SH3KBP1: variants seen among roughly 807,000 people sequenced by gnomAD.
SH3KBP1 encodes SH3 domain containing kinase binding protein 1, also known as SH3 domain-containing kinase-binding protein 1.
In SH3KBP1, 8 loss-of-function variants were observed where a neutral mutation model predicts 50.1. That is an observed-to-expected ratio of 0.16 (90% CI 0.09 to 0.29). The LOEUF is 0.29. Among genes scored for constraint, SH3KBP1 ranks in the 10% least tolerant of loss-of-function variants. SH3KBP1 has a pLI of 1.00. For synonymous variants in SH3KBP1, 227 were observed against 218.6 expected, an observed-to-expected ratio of 1.04 and a Z score of -0.34; for missense variants, 377 against 535.2, an observed-to-expected ratio of 0.70 and a Z score of 2.92.
At chrX:19,813,748 T>A (rs913712988) in intron 2 of SH3KBP1, among the ~76,000 whole-genome samples, 1 of 110,501 alleles carries the variant, frequency 9.0e-6, no homozygotes, top group Non-Finnish European at 1.9e-5. Context: ...AAGGGTGTTA[T>A]CCCCCCAGCC....
At chrX:19,632,161 T>G (rs1282956094) in intron 7 of SH3KBP1, among the ~76,000 whole-genome samples, 1 of 111,428 alleles carries the variant, frequency 9.0e-6, no homozygotes, top group Non-Finnish European at 1.9e-5. Flanking sequence ...GGCTTCCACT[T>G]TTTTTCCCCT....
At chrX:19,587,675 G>A (rs764858620) in intron 12 of SH3KBP1, among the ~76,000 whole-genome samples, 60 of 111,909 alleles carry the variant, frequency 5.4e-4, no homozygotes, top group Non-Finnish European at 9.8e-4. Context: ...AAAAAAGTGA[G>A]GTGAGAGGAT....
chrX:19,691,350 CTCTCTCTA>C (rs1216125321), intron 5 of SH3KBP1, among the ~76,000 whole-genome samples: 2 of 93,614 alleles, frequency 2.1e-5, no homozygotes, highest in African/African-American at 4.3e-5. Flanking sequence ...CTCTCTCTCT[CTCTCTCTA>C]TATATATATA....
At chrX:19,551,526 TTTC>T (rs2065238025) in intron 13 of SH3KBP1, among the ~76,000 whole-genome samples, 2 of 106,989 alleles carry the variant, frequency 1.9e-5, no homozygotes, top group African/African-American at 7.0e-5. Context: ...TATTATTTTC[TTTC>T]TTTTCTTTCC....
chrX:19,768,943 A>C (rs1320103458), intron 2 of SH3KBP1, among the ~76,000 whole-genome samples: 2 of 109,749 alleles, frequency 1.8e-5, no homozygotes, highest in African/African-American at 6.6e-5. Flanking sequence ...TTTTTTTTTA[A>C]ATTAGTAAGA....
In SH3KBP1 at chrX:19,781,594, G is replaced by T. The variant is rs374047211; in HGVS notation, c.163-35153C>A. ...GATTGTACCACTGTACTCTAGTCTG[G>T]GTGACAGAGTGGGACTCGGTCACAA... On this transcript the variant is annotated intron_variant, in intron 2 of 17. Coordinates refer to ENST00000397821, the MANE Select transcript of SH3KBP1 (RefSeq NM_031892.3). 2.5e-4 allele frequency among the ~76,000 whole-genome samples: 27 copies of T among 107,326 alleles called. No homozygotes were observed. The South Asian group carries it at 0.011, about 43-fold the overall frequency. 93.2% of individuals were successfully genotyped at this position (107,326 alleles called of 115,157 possible).
chrX:19,824,110 A>G (rs2147351746), intron 2 of SH3KBP1, among the ~76,000 whole-genome samples: 1 of 111,909 alleles, frequency 8.9e-6, no homozygotes, highest in East Asian at 2.8e-4. Flanking sequence ...GTTAGCCACC[A>G]CACCCAGCCA....
At position 19,686,761 on chromosome X, in the gene SH3KBP1, C is replaced by T. The variant is rs750229882; in HGVS notation, c.521-2733G>A. On this transcript the variant is annotated intron_variant, in intron 5 of 17. Transcript: ENST00000397821. ...TGGTGTTCATGTTTCAACGTTCTCT[C>T]TCATCATATCCATACACGTAGGTAT... 4.5e-5 allele frequency among the ~76,000 whole-genome samples: 5 copies of T among 111,157 alleles called. No homozygotes were observed. The East Asian group carries it at 1.1e-3, about 25-fold the overall frequency.
In SH3KBP1 at chrX:19,554,954, G is replaced by A. The variant is rs189416660; in HGVS notation, c.1385-4871C>T. Among the ~76,000 whole-genome samples, 1,024 of 112,802 alleles carry A rather than the reference G, an allele frequency of 9.1e-3. 17 individuals carry two copies. Among genetic ancestry groups the A allele is most frequent in the African/African-American group, 0.031 (958 of 31,059 alleles). The stretch of plus-strand genomic sequence containing the variant: ...ACATCACTTTTCAGAGGCACAGAGC[G>A]CATGCTTCATGGCTGTGGCCATGGT... On this transcript the variant is annotated intron_variant, in intron 13 of 17. Transcript: ENST00000397821.
intron 1 of SH3KBP1, among the ~76,000 whole-genome samples, chrX:19,881,406 A>G (rs1368478271): frequency 1.8e-5 from 2 of 112,016 alleles, no homozygotes; most frequent in Non-Finnish European, 3.8e-5. Flanking sequence ...TGAAATGGGA[A>G]GTAAAAAGAG....
intron 6 of SH3KBP1, among the ~76,000 whole-genome samples, chrX:19,681,017 A>G (rs1019961115): frequency 1.8e-4 from 20 of 111,621 alleles, no homozygotes; most frequent in African/African-American, 5.9e-4. Flanking sequence ...TGGGACCAGA[A>G]GTGTTTTGGA....
intron 1 of SH3KBP1, among the ~76,000 whole-genome samples, chrX:19,863,329 C>G (rs2068823800): frequency 9.0e-6 from 1 of 111,248 alleles, no homozygotes; most frequent in Admixed American, 9.5e-5. Flanking sequence ...TCCCAAGTAA[C>G]AGGGACTATA....
intron 10 of SH3KBP1, among the ~76,000 whole-genome samples, chrX:19,593,476 A>T (rs1355418491): frequency 9.0e-6 from 1 of 111,316 alleles, no homozygotes; most frequent in Non-Finnish European, 1.9e-5. Flanking sequence ...GAAAATATGA[A>T]TATCTATCTC....
intron 2 of SH3KBP1, among the ~76,000 whole-genome samples, chrX:19,794,028 A>G (rs1280918114): frequency 9.0e-6 from 1 of 110,579 alleles, no homozygotes; most frequent in African/African-American, 3.3e-5. Context: ...AGGTGATGTC[A>G]ATGTTAATGC....
At chrX:19,715,695 T>A (rs2063892293) in intron 3 of SH3KBP1, among the ~76,000 whole-genome samples, 2 of 112,372 alleles carry the variant, frequency 1.8e-5, no homozygotes, top group South Asian at 3.6e-4. Context: ...ACATTCGGTG[T>A]CTTTTCCCAC....
intron 2 of SH3KBP1, among the ~76,000 whole-genome samples, chrX:19,754,344 T>C (rs1167604039): frequency 1.8e-5 from 2 of 111,982 alleles, no homozygotes. Flanking sequence ...TGCCTTTATG[T>C]TTGCCCACAC....
chrX:19,883,243 G>T (rs949257723), intron 1 of SH3KBP1, among the ~76,000 whole-genome samples: 2 of 112,521 alleles, frequency 1.8e-5, no homozygotes, highest in African/African-American at 6.5e-5. Flanking sequence ...TGCAGGGGAG[G>T]CTGTGCTACT....
intron 2 of SH3KBP1, among the ~76,000 whole-genome samples, 166 bp from the exon 3 acceptor site, chrX:19,746,607 A>G (rs2064926249): frequency 8.9e-6 from 1 of 112,294 alleles, no homozygotes; most frequent in African/African-American, 3.2e-5. Flanking sequence ...GTTTTCTTAC[A>G]TTTATTAGAA....
chrX:19,730,949 T>C (rs771067085), intron 3 of SH3KBP1, among the ~76,000 whole-genome samples: 24 of 112,208 alleles, frequency 2.1e-4, no homozygotes, highest in Admixed American at 2.1e-3. Flanking sequence ...TTTGTTTATT[T>C]TTTTGGTGAG....
Sources: gnomAD v4.1 joint callset for allele counts (sites outside exome capture counted in the v4.1 genomes callset) on GRCh38, gnomAD v4.1.1 for gene constraint, MANE v1.5 for transcripts, NCBI Gene and HGNC (gene_info 2026-07-23, HGNC 2026-07-21) for gene names.